RANBP2: variants seen among roughly 807,000 people sequenced by gnomAD.
The protein encoded by RANBP2 is E3 SUMO-protein ligase RanBP2.
Under a neutral mutation model 303.6 loss-of-function variants are expected in RANBP2, and 57 were observed. That is an observed-to-expected ratio of 0.19 (90% CI 0.15 to 0.23). The LOEUF (loss-of-function observed/expected upper bound fraction) is 0.23, where lower values mean the gene tolerates loss of function less well. RANBP2 is among the 10% of genes least tolerant of loss of function. RANBP2 has a pLI of 1.00. For missense variants in RANBP2, 3,138 were observed against 3,780.8 expected, an observed-to-expected ratio of 0.83 and a Z score of 4.46; for synonymous variants, 1,167 against 1,301.5, an observed-to-expected ratio of 0.90 and a Z score of 2.23.
At chr2:109,409,336 T>C in the RANBP2 span, among the ~76,000 whole-genome samples, 1 of 152,210 alleles carries the variant, frequency 6.6e-6, no homozygotes, top group Non-Finnish European at 1.5e-5. Flanking sequence ...ATCTAGACTT[T>C]GCAGCCAGGT....
the RANBP2 span, among the ~76,000 whole-genome samples, chr2:108,853,992 T>TA: frequency 8.1e-4 from 6 of 7,372 alleles, no homozygotes; most frequent in African/African-American, 1.1e-3. Context: ...TAATATATAA[T>TA]AAATTTATAT....
At chr2:109,338,819 A>C in the RANBP2 span, among the ~76,000 whole-genome samples, 3 of 152,108 alleles carry the variant, frequency 2.0e-5, no homozygotes, top group Non-Finnish European at 4.4e-5. Flanking sequence ...CGGCCTCCCA[A>C]AGTGTGTGAG....
the RANBP2 span, among the ~76,000 whole-genome samples, chr2:109,307,676 T>C: frequency 2.7e-5 from 4 of 146,714 alleles, no homozygotes; most frequent in African/African-American, 1.0e-4. Context: ...ATGTGGTGTT[T>C]GGTTTTTTGC....
At chr2:109,353,339 G>A in the RANBP2 span, among the ~76,000 whole-genome samples, 7 of 152,292 alleles carry the variant, frequency 4.6e-5, no homozygotes, top group South Asian at 4.1e-4. Context: ...CTCGACCCTC[G>A]TCCTCAGCAA....
At chr2:108,897,234 A>C in the RANBP2 span, 1 of 1,613,330 alleles carries the variant, frequency 6.2e-7, no homozygotes, top group Admixed American at 1.7e-5. Flanking sequence ...TAAGACCTAC[A>C]GACACCAATG....
chr2:109,736,388 A>G, the RANBP2 span, among the ~76,000 whole-genome samples: 1 of 152,192 alleles, frequency 6.6e-6, no homozygotes, highest in Non-Finnish European at 1.5e-5. Flanking sequence ...CCCACTCAGG[A>G]CGCCACATCT....
chr2:109,444,419 G>C, the RANBP2 span, among the ~76,000 whole-genome samples: 21,481 of 152,210 alleles, frequency 0.14, 2,689 homozygotes, highest in African/African-American at 0.33. Context: ...GCCTTGTTGG[G>C]TGACTTTCAA....
At chr2:109,163,216 A>G in the RANBP2 span, among the ~76,000 whole-genome samples, 1 of 152,108 alleles carries the variant, frequency 6.6e-6, no homozygotes, top group African/African-American at 2.4e-5. Flanking sequence ...GCTTTGGCAC[A>G]AGCCCAGAAC....
intron 7 of RANBP2, among the ~76,000 whole-genome samples, chr2:108,740,984 G>A (rs13428171): frequency 0.043 from 6,511 of 152,060 alleles, 463 homozygotes; most frequent in African/African-American, 0.15. Context: ...ATGTAATCTC[G>A]TATTATGGGT....
chr2:109,122,407 C>T, the RANBP2 span, among the ~76,000 whole-genome samples: 7 of 152,296 alleles, frequency 4.6e-5, no homozygotes, highest in East Asian at 3.9e-4. Flanking sequence ...CTATTCCTCC[C>T]GAGGGGCAGG....
chr2:108,861,673 G>T, the RANBP2 span, among the ~76,000 whole-genome samples: 2 of 151,858 alleles, frequency 1.3e-5, no homozygotes, highest in Non-Finnish European at 1.5e-5. Context: ...TAGAGACAGG[G>T]TTTCACCATA....
chr2:109,115,054 T>C, the RANBP2 span, among the ~76,000 whole-genome samples: 70 of 152,274 alleles, frequency 4.6e-4, no homozygotes, highest in African/African-American at 1.6e-3. Flanking sequence ...TACTTCCAAG[T>C]ATGTGGTCAA....
chr2:108,883,855 GTCA>G, the RANBP2 span: 1 of 152,240 alleles, frequency 6.6e-6, no homozygotes. Context: ...CCTTGAGGGT[GTCA>G]TCTGCTTTCT....
chr2:109,566,220 CA>C, the RANBP2 span, among the ~76,000 whole-genome samples: 4 of 151,912 alleles, frequency 2.6e-5, no homozygotes, highest in Non-Finnish European at 5.9e-5. Context: ...TCCTGGGTTC[CA>C]GTGATTCTCC....
the RANBP2 span, among the ~76,000 whole-genome samples, chr2:109,289,269 G>A: frequency 3.0e-4 from 46 of 152,140 alleles, no homozygotes; most frequent in Non-Finnish European, 5.9e-4. Context: ...ATCACCCACT[G>A]GCTGGGGTGA....
chr2:109,335,690 C>A, the RANBP2 span, among the ~76,000 whole-genome samples: 1 of 152,164 alleles, frequency 6.6e-6, no homozygotes, highest in Non-Finnish European at 1.5e-5. Context: ...CGGGTGGGGA[C>A]CTCTGAGTGT....
the RANBP2 span, among the ~76,000 whole-genome samples, chr2:109,076,270 G>T: frequency 1.3e-5 from 2 of 150,370 alleles, 1 homozygote; most frequent in Non-Finnish European, 3.0e-5. Context: ...AACAAAATAT[G>T]TATGGAAGGA....
chr2:108,888,437 G>A, the RANBP2 span, among the ~76,000 whole-genome samples: 1 of 152,044 alleles, frequency 6.6e-6, no homozygotes, highest in Admixed American at 6.6e-5. Context: ...AGTTTCAGGA[G>A]GGTTGGTGTT....
chr2:109,613,792 A>G, the RANBP2 span: 1 of 1,228,768 alleles, frequency 8.1e-7, no homozygotes, highest in Non-Finnish European at 1.0e-6. Flanking sequence ...CGTCGGCGGG[A>G]CTCACCAGGT....
Sources: gnomAD v4.1 joint callset for allele counts (sites outside exome capture counted in the v4.1 genomes callset) on GRCh38, gnomAD v4.1.1 for gene constraint, MANE v1.5 for transcripts, NCBI Gene and HGNC (gene_info 2026-07-23, HGNC 2026-07-21) for gene names.